Variants in CC2D2B observed in about 807,000 individuals in gnomAD.
The protein encoded by CC2D2B is coiled-coil and C2 domain containing 2B, also known as protein CC2D2B.
In CC2D2B, 128 loss-of-function variants were observed where a neutral mutation model predicts 161.2. That is an observed-to-expected ratio of 0.79 (90% CI 0.69 to 0.92). The LOEUF is 0.92. CC2D2B is among the 40% of genes least tolerant of loss of function. The pLI, the probability that CC2D2B is intolerant of heterozygous loss-of-function variation, is 0.00. For missense variants in CC2D2B, 1,173 were observed against 1,375.1 expected, an observed-to-expected ratio of 0.85 and a Z score of 2.32; for synonymous variants, 391 against 449.8, an observed-to-expected ratio of 0.87 and a Z score of 1.65.
In CC2D2B at chr10:95,938,057, A is replaced by G; in HGVS notation, c.403A>G (p.Ser135Gly). 1 of 1,550,952 alleles carries G rather than the reference A, an allele frequency of 6.4e-7. No individual in the cohort carries two copies. The highest frequency in any genetic ancestry group is 8.7e-7 in the Non-Finnish European group (1 of 1,146,372). The change falls in exon 7 of 35, where the codon AGT becomes GGT. Residue 135 changes from serine (S) to glycine (G), a missense_variant. Transcript: ENST00000646931. ...TGTTAATTTACAAAATGTTGCTGAGAGTGAAGAGGAAGAGTTTATGAAAGA... is the reference window on the plus strand; with the variant it reads ...TGTTAATTTACAAAATGTTGCTGAGGGTGAAGAGGAAGAGTTTATGAAAGA... The part of the protein sequence containing the change: ...LGVNLQNVAE[S>G]EEEEFMKEFI...
At chr10:95,950,280 A>G (rs1023944360) in intron 10 of CC2D2B, among the ~76,000 whole-genome samples, 175 bp downstream of exon 10, 1 of 152,208 alleles carries the variant, frequency 6.6e-6, no homozygotes, top group African/African-American at 2.4e-5. Flanking sequence ...AGCTTTAAAT[A>G]TATCCTATGG....
chr10:95,982,444 A>C (rs1407507120), intron 18 of CC2D2B, among the ~76,000 whole-genome samples: 4 of 152,150 alleles, frequency 2.6e-5, no homozygotes, highest in African/African-American at 9.7e-5. Flanking sequence ...GAAGATACCG[A>C]GATGATTTAT....
chr10:95,994,533 A>G (rs183283848), intron 22 of CC2D2B, among the ~76,000 whole-genome samples: 5 of 152,320 alleles, frequency 3.3e-5, no homozygotes, highest in Admixed American at 6.5e-5. Context: ...GCCTTCCACA[A>G]GAAGCTGGTA....
At chr10:95,950,312 G>A (rs962030676) in intron 10 of CC2D2B, 2 of 356,674 alleles carry the variant, frequency 5.6e-6, no homozygotes, top group Admixed American at 9.3e-5. Context: ...ACCACAAATG[G>A]TTTACTAATC....
chr10:96,020,537 G>A (rs2079405763), intron 32 of CC2D2B: 1 of 152,176 alleles, frequency 6.6e-6, no homozygotes, highest in South Asian at 2.1e-4. Context: ...GCTGTTTCTG[G>A]ATTGAGGGCC....
At chr10:95,990,641 C>T (rs2077915640) in intron 20 of CC2D2B, among the ~76,000 whole-genome samples, 1 of 152,102 alleles carries the variant, frequency 6.6e-6, no homozygotes, top group South Asian at 2.1e-4. Context: ...ATTTCCCTAC[C>T]CGCTTCAAGA....
At chr10:96,012,767 A>G (rs763262515) in intron 28 of CC2D2B, 38 bp downstream of exon 28, 1 of 1,251,886 alleles carries the variant, frequency 8.0e-7, no homozygotes, top group South Asian at 1.2e-5. Flanking sequence ...CATTGTGATT[A>G]AAGGGCATCT....
intron 5 of CC2D2B, among the ~76,000 whole-genome samples, chr10:95,926,856 G>C (rs898651847): frequency 6.9e-6 from 1 of 144,240 alleles, no homozygotes; most frequent in African/African-American, 2.7e-5. Context: ...GTCTGTGTGT[G>C]TGTGTGTGTG....
At chr10:96,019,565 A>G in intron 31 of CC2D2B, 137 bp from the exon 32 acceptor site, 4 of 908,136 alleles carry the variant, frequency 4.4e-6, no homozygotes, top group South Asian at 3.6e-5. Context: ...GAATCTCTTT[A>G]TCTCCTGCCT....
intron 14 of CC2D2B, among the ~76,000 whole-genome samples, 170 bp downstream of exon 14, chr10:95,966,472 A>G (rs1197879993): frequency 6.6e-6 from 1 of 152,068 alleles, no homozygotes; most frequent in Non-Finnish European, 1.5e-5. Context: ...GTTCCATATT[A>G]TCCTCATCTT....
rs1282458513 is a variant in CC2D2B at position 96,012,556 on chromosome 10, C to A, written c.3253C>A (p.Gln1085Lys). The change falls in exon 28 of 35, where the codon CAG (glutamine) becomes AAG (lysine). Residue 1085 changes from glutamine (Q) to lysine (K), a missense_variant. By Grantham distance (53) the Gln-to-Lys change is moderately conservative (BLOSUM62 1). Transcript: ENST00000646931. ...GTTTTTAGATCAAACAGAGGTCTTG[C>A]AGAGAGCACAGATTTTTAAAAAGAA... ...DKFLDQTEVL[Q>K]RAQIFKKNCK... 6.2e-7 allele frequency: 1 copy of A among 1,611,862 alleles called. No homozygotes were observed. The highest frequency in any genetic ancestry group is 1.1e-5 in the South Asian group (1 of 91,022).
intron 25 of CC2D2B, among the ~76,000 whole-genome samples, chr10:96,009,094 T>C (rs1275523241): frequency 6.6e-6 from 1 of 152,106 alleles, no homozygotes; most frequent in East Asian, 1.9e-4. Context: ...TTGACTGTTA[T>C]AAATATAGTG....
intron 22 of CC2D2B, among the ~76,000 whole-genome samples, chr10:95,993,950 GTGTATATATATATATATA>G (rs2078115962): frequency 6.6e-4 from 9 of 13,726 alleles, no homozygotes; most frequent in Non-Finnish European, 8.5e-4. Context: ...GTGTATGTAT[GTGTATATATATATATATA>G]TATATATATA....
At chr10:95,927,365 ACTCTCAGG>A (rs1218540469) in intron 6 of CC2D2B, 33 bp downstream of exon 6, 2 of 1,134,900 alleles carry the variant, frequency 1.8e-6, no homozygotes, top group Admixed American at 2.2e-5. Context: ...CCACCATCTC[ACTCTCAGG>A]AAAAAATGAT....
intron 9 of CC2D2B, among the ~76,000 whole-genome samples, chr10:95,948,356 T>C (rs890594261): frequency 1.0e-5 from 1 of 96,572 alleles, no homozygotes; most frequent in Non-Finnish European, 2.1e-5. Flanking sequence ...ATGCCGCATA[T>C]CTACAACTAT....
intron 12 of CC2D2B, among the ~76,000 whole-genome samples, chr10:95,962,918 C>G (rs1459462267): frequency 1.3e-5 from 2 of 152,064 alleles, no homozygotes; most frequent in Non-Finnish European, 2.9e-5. Flanking sequence ...TCATGAATCC[C>G]TGAGCAACAA....
chr10:95,945,479 C>A (rs1192626204), intron 9 of CC2D2B, among the ~76,000 whole-genome samples: 4 of 152,110 alleles, frequency 2.6e-5, no homozygotes, highest in Admixed American at 6.6e-5. Flanking sequence ...TCCCAGGTAC[C>A]CTATTTGCCT....
At chr10:96,029,286 G>A (rs56161531) in intron 34 of CC2D2B, among the ~76,000 whole-genome samples, 4,672 of 68,454 alleles carry the variant, frequency 0.068, 47 homozygotes, top group Non-Finnish European at 0.11. Context: ...ATATATATAT[G>A]TATATATATA....
At chr10:95,993,940 GTGTATGTATGTGTA>G (rs1255874893) in intron 22 of CC2D2B, among the ~76,000 whole-genome samples, 36 of 26,292 alleles carry the variant, frequency 1.4e-3, no homozygotes, top group Admixed American at 1.7e-3. Context: ...GTGTGTGTGT[GTGTATGTATGTGTA>G]TATATATATA....
Sources: gnomAD v4.1 joint callset for allele counts (sites outside exome capture counted in the v4.1 genomes callset) on GRCh38, gnomAD v4.1.1 for gene constraint, MANE v1.5 for transcripts, NCBI Gene and HGNC (gene_info 2026-07-23, HGNC 2026-07-21) for gene names.